The following CRLF3 variants were observed in gnomAD, a reference collection of about 807,000 sequenced individuals.
CRLF3 encodes the protein cytokine receptor like factor 3, also known as cytokine receptor-like factor 3.
CRLF3 carries 33 observed loss-of-function variants against 55.0 expected under a neutral mutation model. The observed-to-expected ratio is 0.60, with a 90% CI of 0.46 to 0.80. The LOEUF is 0.80. Among genes scored for constraint, CRLF3 ranks in the 30% least tolerant of loss-of-function variants. CRLF3 has a pLI of 0.00. For synonymous variants in CRLF3, 238 were observed against 196.8 expected (o/e 1.21, Z -1.75); for missense variants, 494 against 538.4 (o/e 0.92, Z 0.82).
At chr17:30,817,894 G>C (rs1249873864) in intron 1 of CRLF3, among the ~76,000 whole-genome samples, 1 of 121,806 alleles carries the variant, frequency 8.2e-6, no homozygotes, top group Non-Finnish European at 1.6e-5. Context: ...GACAGAGTGA[G>C]ACTCCATCCC....
At chr17:30,787,523 A>G (rs905512495) in intron 6 of CRLF3, 1 of 151,438 alleles carries the variant, frequency 6.6e-6, no homozygotes, top group South Asian at 2.1e-4. Context: ...CAGAAAGCCA[A>G]CTTTGCAAGG....
chr17:30,801,367 T>G (rs1972005451), intron 2 of CRLF3: 1 of 151,558 alleles, frequency 6.6e-6, no homozygotes, highest in East Asian at 1.9e-4. Context: ...GCTCAAGTGA[T>G]CCACCCGCCT....
intron 4 of CRLF3, among the ~76,000 whole-genome samples, chr17:30,795,483 C>A: frequency 7.1e-6 from 1 of 140,304 alleles, no homozygotes; most frequent in Non-Finnish European, 1.5e-5. Flanking sequence ...ACAACAACAA[C>A]GAAACTCTGT....
At chr17:30,792,129 T>G (rs1348710988) in intron 6 of CRLF3, among the ~76,000 whole-genome samples, 1 of 152,200 alleles carries the variant, frequency 6.6e-6, no homozygotes, top group East Asian at 1.9e-4. Context: ...GTTACAGGTG[T>G]GAACCACTAT....
chr17:30,815,239 C>T lies in CRLF3; in HGVS notation c.129+9284G>A, dbSNP rs1033005870. Reference sequence around the variant, plus strand: ...TAGCTGGGATTACAAGCACCCACCACCAAGCCTGGCTAATTTTTGAATTTT... The same window carrying T: ...TAGCTGGGATTACAAGCACCCACCATCAAGCCTGGCTAATTTTTGAATTTT... On this transcript the variant is annotated intron_variant, in intron 1 of 7. Transcript: ENST00000324238. 2.0e-5 allele frequency among the ~76,000 whole-genome samples: 3 copies of T among 151,594 alleles called. No homozygotes were observed. In the East Asian group the frequency reaches 6.0e-4, roughly 30 times the overall value.
In CRLF3 at chr17:30,792,594, G is replaced by T. The variant is rs761845616; in HGVS notation, c.827-22C>A. 4.4e-6 allele frequency: 7 copies of T among 1,585,152 alleles called. No individual in the cohort carries two copies. In the Admixed American group the frequency reaches 1.2e-4, roughly 27 times the overall value. On this transcript the variant is annotated intron_variant, in intron 5 of 7. Coordinates refer to ENST00000324238, the MANE Select transcript of CRLF3 (RefSeq NM_015986.4). ...CACTCTTTTTCAAAGCAAAGATATTGAAAACTGTTAGAATCTCTTGAGGGA... is the reference window on the plus strand; with the variant it reads ...CACTCTTTTTCAAAGCAAAGATATTTAAAACTGTTAGAATCTCTTGAGGGA...
intron 1 of CRLF3, among the ~76,000 whole-genome samples, chr17:30,807,158 A>G (rs1315475818): frequency 6.6e-6 from 1 of 152,166 alleles, no homozygotes; most frequent in Non-Finnish European, 1.5e-5. Flanking sequence ...AGTTAAAGCA[A>G]AAACATACTT....
At chr17:30,817,684 G>T (rs1434002379) in intron 1 of CRLF3, among the ~76,000 whole-genome samples, 2 of 151,740 alleles carry the variant, frequency 1.3e-5, no homozygotes, top group African/African-American at 4.8e-5. Flanking sequence ...GAGGAAGGTG[G>T]ATCATGAGGT....
Position 30,783,772 on chromosome 17 carries a change from GCTT to G in CRLF3, c.*412_*414del, listed in dbSNP as rs567081646. ...AACGGATGTATTAATACATTACACA[GCTT>G]CTTCTATCTGACCTATTCCTCTTGT... On this transcript the variant is annotated 3_prime_UTR_variant, in exon 8 of 8. Transcript: ENST00000324238. 1.9e-4 allele frequency: 32 copies of G among 164,208 alleles called. No individual in the cohort carries two copies. The highest frequency in any genetic ancestry group is 4.7e-4 in the Admixed American group (8 of 17,042). 10.2% of individuals were successfully genotyped at this position (164,208 alleles called of 1,614,324 possible).
Position 30,793,649 on chromosome 17 carries a change from T to C in CRLF3, c.627A>G (p.Gln209=). ...ATTTACGAAACTGGAGCCTGTAATCTTGGGCTGTAAAGTCATCATCCACCT... is the reference window on the plus strand; with the variant it reads ...ATTTACGAAACTGGAGCCTGTAATCCTGGGCTGTAAAGTCATCATCCACCT... ...WCKVDDDFTA[Q]DYRLQFRKCT... is the part of the protein sequence containing the mutation. Residue 209 remains glutamine, a synonymous_variant, in exon 5 of 8, where the codon CAA becomes CAG. Transcript: ENST00000324238. 6.2e-7 allele frequency: 1 copy of C among 1,613,742 alleles called. No homozygotes were observed. The highest frequency in any genetic ancestry group is 8.5e-7 in the Non-Finnish European group (1 of 1,179,686).
chr17:30,815,084 C>CTTTTTTT (rs541526248), intron 1 of CRLF3, among the ~76,000 whole-genome samples: 15 of 107,528 alleles, frequency 1.4e-4, no homozygotes, highest in Non-Finnish European at 2.0e-4. Flanking sequence ...TTCTTTCTTT[C>CTTTTTTT]TTTTTTTTTT....
chr17:30,794,828 A>G (rs1046700959), intron 4 of CRLF3, among the ~76,000 whole-genome samples: 1 of 152,210 alleles, frequency 6.6e-6, no homozygotes, highest in African/African-American at 2.4e-5. Flanking sequence ...ACAACAAGGT[A>G]CATTTAGGCA....
intron 1 of CRLF3, chr17:30,810,107 C>A (rs1301641508): frequency 6.6e-6 from 1 of 152,078 alleles, no homozygotes; most frequent in East Asian, 1.9e-4. Context: ...TCATTCAAGG[C>A]AAAAACAACT....
rs575467483 is a variant in CRLF3 at position 30,805,158 on chromosome 17, G to T, written c.130-1050C>A. 2.6e-5 allele frequency among the ~76,000 whole-genome samples: 4 copies of T among 152,134 alleles called. No individual in the cohort carries two copies. The East Asian group carries it at 7.7e-4, about 29-fold the overall frequency. On this transcript the variant is annotated intron_variant, in intron 1 of 7. Transcript: ENST00000324238. ...AGATTGCGCCACTGCACTCCAGCTG[G>T]GCAACAGAGTGAGACGCCATTTCAA...
intron 1 of CRLF3, among the ~76,000 whole-genome samples, chr17:30,811,886 G>A (rs572755642): frequency 1.3e-5 from 2 of 150,824 alleles, no homozygotes; most frequent in African/African-American, 2.4e-5. Flanking sequence ...CGAGGCGGGC[G>A]GGTCATGAGG....
intron 1 of CRLF3, among the ~76,000 whole-genome samples, chr17:30,815,158 T>G (rs1304430243): frequency 6.7e-6 from 1 of 149,268 alleles, no homozygotes; most frequent in Non-Finnish European, 1.5e-5. Flanking sequence ...CAATCTTGGC[T>G]CTGTGCAACC....
At chr17:30,797,064 T>C (rs1170233629) in intron 3 of CRLF3, among the ~76,000 whole-genome samples, 1 of 152,044 alleles carries the variant, frequency 6.6e-6, no homozygotes, top group East Asian at 1.9e-4. Flanking sequence ...CTAATTTTTA[T>C]ATTTTTAGTA....
intron 1 of CRLF3, among the ~76,000 whole-genome samples, chr17:30,822,062 C>CAAAA (rs576859607): frequency 5.0e-4 from 28 of 56,056 alleles, no homozygotes; most frequent in Admixed American, 7.7e-4. Flanking sequence ...GCACCCCCGC[C>CAAAA]AAAAAAAAAA....
At chr17:30,791,826 A>G (rs1971808585) in intron 6 of CRLF3, among the ~76,000 whole-genome samples, 1 of 150,924 alleles carries the variant, frequency 6.6e-6, no homozygotes, top group Non-Finnish European at 1.5e-5. Context: ...AGGCCTCTAA[A>G]TTTTTAAGAT....
Sources: allele counts gnomAD v4.1 joint callset (sites outside exome capture counted in the v4.1 genomes callset), GRCh38; gene constraint gnomAD v4.1.1; transcripts MANE v1.5; gene names NCBI Gene and HGNC (gene_info 2026-07-23, HGNC 2026-07-21).